Variants in ARID4A observed in about 807,000 individuals in gnomAD.
ARID4A encodes AT-rich interactive domain-containing protein 4A.
Under a neutral mutation model 148.6 loss-of-function variants are expected in ARID4A, and 39 were observed. The ratio of observed to expected loss-of-function variants is 0.26; its 90% CI spans 0.20 to 0.34. ARID4A has a LOEUF of 0.34. ARID4A is among the 10% of genes least tolerant of loss of function. The pLI, the probability that ARID4A is intolerant of heterozygous loss-of-function variation, is 1.00. For synonymous variants in ARID4A, 475 were observed against 481.2 expected (o/e 0.99, Z 0.17); for missense variants, 1,265 against 1,449.1 (o/e 0.87, Z 2.06).
chr14:58,301,253 A>G (rs1348985166), intron 2 of ARID4A, among the ~76,000 whole-genome samples: 1 of 151,542 alleles, frequency 6.6e-6, no homozygotes, highest in African/African-American at 2.4e-5. Context: ...TGATATGTGT[A>G]ATATGAAATA....
At chr14:58,320,476 G>T (rs1023392442) in intron 7 of ARID4A, among the ~76,000 whole-genome samples, 18 of 151,752 alleles carry the variant, frequency 1.2e-4, no homozygotes, top group Non-Finnish European at 1.0e-4. Flanking sequence ...CCTTTATAGC[G>T]TCCCCCAGTT....
intron 20 of ARID4A, 47 bp from the exon 21 acceptor site, chr14:58,365,467 CTTTT>C (rs71107938): frequency 7.7e-3 from 2,692 of 349,980 alleles, no homozygotes; most frequent in East Asian, 0.023. Context: ...TATACTTGCT[CTTTT>C]TTTTTTTTTT....
chr14:58,345,479 A>G, intron 12 of ARID4A, among the ~76,000 whole-genome samples: 1 of 152,172 alleles, frequency 6.6e-6, no homozygotes, highest in South Asian at 2.1e-4. Context: ...ACCAATCGTT[A>G]TCTGAAAAAG....
chr14:58,328,991 CAAA>C (rs10712188), intron 9 of ARID4A, among the ~76,000 whole-genome samples: 1 of 142,592 alleles, frequency 7.0e-6, no homozygotes, highest in African/African-American at 2.6e-5. Context: ...GACTCTGTCT[CAAA>C]AAAAAAAAAA....
Position 58,347,071 on chromosome 14 carries a change from A to G in ARID4A, c.1126A>G (p.Ile376Val), listed in dbSNP as rs1555363045. The change falls in exon 14 of 24, where the codon ATT (isoleucine) becomes GTT (valine). Residue 376 changes from isoleucine to valine, a missense_variant. Ile to Val is a conservative substitution (Grantham distance 29, BLOSUM62 3). This residue lies in a region of ARID4A where 7 missense variants were observed against 24.1 expected (regional missense o/e 0.29). Transcript: ENST00000355431. The stretch of plus-strand genomic sequence containing the variant: ...AATTTATATGGACCTTGGCATTCCT[A>G]TTTTGAATTCAGCTGCTTCCTACAA... ...KQIYMDLGIPILNSAASYNVK... is the reference protein window; with the variant it reads ...KQIYMDLGIPVLNSAASYNVK... 3 of 1,574,458 alleles carry G rather than the reference A, an allele frequency of 1.9e-6. No individual in the cohort carries two copies. The highest frequency in any genetic ancestry group is 2.6e-6 in the Non-Finnish European group (3 of 1,161,804).
intron 18 of ARID4A, among the ~76,000 whole-genome samples, chr14:58,359,983 G>A (rs1218983536): frequency 1.3e-5 from 2 of 151,688 alleles, no homozygotes; most frequent in African/African-American, 4.8e-5. Context: ...GGAGAATGGC[G>A]TGAACCCAGG....
chr14:58,328,581 T>G (rs964035862), intron 9 of ARID4A, among the ~76,000 whole-genome samples: 4 of 152,164 alleles, frequency 2.6e-5, no homozygotes, highest in Admixed American at 2.6e-4. Flanking sequence ...TTTTCCTTAA[T>G]TGTAAAATTC....
chr14:58,339,004 C>T (rs1441156574), intron 11 of ARID4A, among the ~76,000 whole-genome samples: 1 of 138,122 alleles, frequency 7.2e-6, no homozygotes, highest in Non-Finnish European at 1.5e-5. Context: ...TCTTACTCTG[C>T]CTCTCAGGCT....
chr14:58,327,879 C>T (rs1460642214), intron 8 of ARID4A, among the ~76,000 whole-genome samples: 2 of 152,056 alleles, frequency 1.3e-5, no homozygotes, highest in Non-Finnish European at 2.9e-5. Context: ...CACTATGCCA[C>T]CCAGGCTGGT....
intron 2 of ARID4A, among the ~76,000 whole-genome samples, chr14:58,301,329 G>A (rs751297258): frequency 1.3e-5 from 2 of 151,322 alleles, no homozygotes; most frequent in African/African-American, 2.4e-5. Flanking sequence ...ATTTTGTATC[G>A]AGACAAAACA....
chr14:58,303,642 T>G (rs929133574), intron 3 of ARID4A: 4 of 443,084 alleles, frequency 9.0e-6, no homozygotes, highest in Admixed American at 7.2e-5. Context: ...AATGAATCAG[T>G]GAACTAGAGC....
At chr14:58,344,540 T>C (rs887954027) in intron 11 of ARID4A, among the ~76,000 whole-genome samples, 155 bp from the exon 12 acceptor site, 1 of 152,228 alleles carries the variant, frequency 6.6e-6, no homozygotes, top group Non-Finnish European at 1.5e-5. Context: ...TTCATAAATA[T>C]GACTTAAAAT....
rs2035647058 is a variant in ARID4A at position 58,372,293 on chromosome 14, A to T, written c.*304A>T. 1 of 314,588 alleles carries T rather than the reference A, an allele frequency of 3.2e-6. No homozygotes were observed. Among genetic ancestry groups the T allele is most frequent in the Non-Finnish European group, 5.9e-6 (1 of 169,838 alleles). 19.5% of individuals were successfully genotyped at this position (314,588 alleles called of 1,614,324 possible). On this transcript the variant is annotated 3_prime_UTR_variant, in exon 24 of 24. Coordinates refer to ENST00000355431, the MANE Select transcript of ARID4A (RefSeq NM_002892.4). ...TTAGCAAATTTGAATTTGTATAATA[A>T]AGCTTTCAGGTGTTACAGAAATCGT...
intron 23 of ARID4A, 101 bp from the exon 24 acceptor site, chr14:58,371,785 T>C: frequency 4.4e-6 from 4 of 918,188 alleles, no homozygotes; most frequent in Non-Finnish European, 6.9e-6. Flanking sequence ...AGGCCTGTGA[T>C]TAAGGTGAAT....
intron 7 of ARID4A, among the ~76,000 whole-genome samples, chr14:58,319,739 C>T (rs1296172023): frequency 1.3e-5 from 2 of 150,106 alleles, no homozygotes; most frequent in African/African-American, 2.4e-5. Flanking sequence ...GATGAGGTTT[C>T]GCTTTGTTGG....
intron 1 of ARID4A, 53 bp from the exon 2 acceptor site, chr14:58,299,745 G>T (rs529686087): frequency 1.1e-5 from 16 of 1,486,608 alleles, no homozygotes; most frequent in Admixed American, 1.7e-5. Flanking sequence ...TCCCTTGGTC[G>T]CTCCCCGCAG....
intron 11 of ARID4A, among the ~76,000 whole-genome samples, chr14:58,335,048 A>G (rs905685010): frequency 6.6e-6 from 1 of 152,100 alleles, no homozygotes; most frequent in African/African-American, 2.4e-5. Flanking sequence ...CCACAACTAA[A>G]ACAACTTTAC....
intron 23 of ARID4A, among the ~76,000 whole-genome samples, chr14:58,368,750 C>T (rs927757284): frequency 7.0e-4 from 106 of 152,028 alleles, no homozygotes; most frequent in African/African-American, 2.5e-3. Flanking sequence ...AGTCTAAACA[C>T]AAAATTCATT....
At chr14:58,320,397 TAACGCTGATA>T (rs1268021543) in intron 7 of ARID4A, among the ~76,000 whole-genome samples, 1 of 152,144 alleles carries the variant, frequency 6.6e-6, no homozygotes, top group East Asian at 1.9e-4. Flanking sequence ...TTAGAAAATT[TAACGCTGATA>T]GACTACTATC....
Sources: gnomAD v4.1 joint callset for allele counts (sites outside exome capture counted in the v4.1 genomes callset) on GRCh38, gnomAD v4.1.1 for gene constraint, gnomAD v4.1.1 regional missense constraint, MANE v1.5 for transcripts, NCBI Gene and HGNC (gene_info 2026-07-23, HGNC 2026-07-21) for gene names.